Variants in LRP5 observed in about 807,000 individuals in gnomAD.
LRP5 encodes the protein LDL receptor related protein 5.
Under a neutral mutation model 154.1 loss-of-function variants are expected in LRP5, and 62 were observed. That is an observed-to-expected ratio of 0.40 (90% CI 0.33 to 0.50). The LOEUF (loss-of-function observed/expected upper bound fraction) is 0.50. LRP5 is among the 20% of genes least tolerant of loss of function. LRP5 has a pLI of 0.55. For missense variants in LRP5, 1,915 were observed against 2,336.7 expected, an observed-to-expected ratio of 0.82 and a Z score of 3.72; for synonymous variants, 966 against 1,011.5, an observed-to-expected ratio of 0.96 and a Z score of 0.85.
chr11:68,419,831 C>T (rs547878036), intron 13 of LRP5, among the ~76,000 whole-genome samples: 5 of 152,044 alleles, frequency 3.3e-5, no homozygotes, highest in South Asian at 2.1e-4. Context: ...TGTGAGCCAC[C>T]GTGCCCGGCC....
chr11:68,347,531 A>C (rs1229946180), intron 1 of LRP5, among the ~76,000 whole-genome samples: 1 of 152,152 alleles, frequency 6.6e-6, no homozygotes, highest in African/African-American at 2.4e-5. Flanking sequence ...CTGGAGGACG[A>C]TGTGGGAGGT....
chr11:68,392,613 C>T, intron 7 of LRP5, among the ~76,000 whole-genome samples: 1 of 152,198 alleles, frequency 6.6e-6, no homozygotes, highest in East Asian at 1.9e-4. Context: ...AGAACACTTT[C>T]TTCTGCCCTG....
At chr11:68,331,658 G>C (rs2098602846) in intron 1 of LRP5, among the ~76,000 whole-genome samples, 1 of 152,164 alleles carries the variant, frequency 6.6e-6, no homozygotes, top group South Asian at 2.1e-4. Context: ...TATGTTTCCT[G>C]TTCGCCTGCT....
intron 7 of LRP5, 99 bp from the exon 8 acceptor site, chr11:68,403,384 C>T (rs1415756262): frequency 1.3e-5 from 13 of 1,018,876 alleles, no homozygotes; most frequent in Admixed American, 3.9e-5. Flanking sequence ...GCATTGAACC[C>T]GTCTTGTTTG....
chr11:68,403,854 T>C, intron 8 of LRP5, 155 bp downstream of exon 8: 1 of 834,314 alleles, frequency 1.2e-6, no homozygotes, highest in Non-Finnish European at 1.9e-6. Context: ...CAAGGACAGA[T>C]GGGAAGGGAC....
chr11:68,345,980 G>A (rs2098612580), intron 1 of LRP5, among the ~76,000 whole-genome samples: 1 of 152,180 alleles, frequency 6.6e-6, no homozygotes, highest in Non-Finnish European at 1.5e-5. Context: ...TTGGAGAAAT[G>A]TCTGTTCAAG....
intron 7 of LRP5, among the ~76,000 whole-genome samples, chr11:68,397,457 C>T (rs1027984769): frequency 5.3e-5 from 8 of 152,298 alleles, no homozygotes; most frequent in East Asian, 3.9e-4. Flanking sequence ...CAGCTGCCCC[C>T]GGCCCTCTCC....
intron 7 of LRP5, among the ~76,000 whole-genome samples, chr11:68,398,492 G>C (rs1164187231): frequency 6.6e-6 from 1 of 152,194 alleles, no homozygotes; most frequent in Non-Finnish European, 1.5e-5. Flanking sequence ...ATTGTCCTCA[G>C]ACACAGCCTC....
chr11:68,314,689 G>T (rs1484719188), intron 1 of LRP5, among the ~76,000 whole-genome samples: 1 of 152,238 alleles, frequency 6.6e-6, no homozygotes, highest in East Asian at 1.9e-4. Context: ...GCTTGTTCCA[G>T]GGCCGGCCTG....
intron 18 of LRP5, among the ~76,000 whole-genome samples, chr11:68,436,469 A>C (rs1202731993): frequency 6.6e-6 from 1 of 151,126 alleles, no homozygotes; most frequent in Non-Finnish European, 1.5e-5. Flanking sequence ...CCCTCCCCTC[A>C]AGCTCTGCTG....
rs1384931251 is a variant in LRP5, at chr11:68,403,712, G to T, written c.1801+13G>T. ...GCCAAGGTCGTCGGTGAGTCCGGGG[G>T]GTCCCAAGCCATGGCTCAGCCATGC... On this transcript the variant is annotated intron_variant, in intron 8 of 22. Transcript: ENST00000294304. 1 of 1,612,660 alleles carries T rather than the reference G, an allele frequency of 6.2e-7. No homozygotes were observed. Among genetic ancestry groups the T allele is most frequent in the South Asian group, 1.1e-5 (1 of 91,006 alleles).
chr11:68,431,928 G>A (rs987247477), intron 17 of LRP5, among the ~76,000 whole-genome samples: 3 of 152,132 alleles, frequency 2.0e-5, no homozygotes, highest in Admixed American at 6.5e-5. Flanking sequence ...CTCACGGCTC[G>A]AGAGACGTGT....
In LRP5 at chr11:68,444,731, G is replaced by A. The variant is rs147297091; in HGVS notation, c.4489-1705G>A. On this transcript the variant is annotated intron_variant, in intron 21 of 22. Coordinates refer to ENST00000294304, the MANE Select transcript of LRP5 (RefSeq NM_002335.4). ...GCAGAATCTCAAACTGCCTTGGGATGTAGGAGAGAAACCAGGCCTGGTCAA... is the reference window on the plus strand; with the variant it reads ...GCAGAATCTCAAACTGCCTTGGGATATAGGAGAGAAACCAGGCCTGGTCAA... 2.3e-4 allele frequency among the ~76,000 whole-genome samples: 35 copies of A among 152,236 alleles called. No individual in the cohort carries two copies. The East Asian group carries it at 6.8e-3, about 29-fold the overall frequency.
intron 7 of LRP5, among the ~76,000 whole-genome samples, chr11:68,396,214 G>C (rs748742393): frequency 1.3e-5 from 2 of 152,118 alleles, no homozygotes; most frequent in Non-Finnish European, 2.9e-5. Context: ...GTATAAATGG[G>C]GTCAGGGAGG....
In LRP5 at chr11:68,423,723, G is replaced by C. The variant is rs373199383; in HGVS notation, c.3236+26G>C. Reference sequence around the variant, plus strand: ...GTAGGAGGCCAACGGGTGGGTGGGGGTGCTGCCCGTCCAGGCGTGCCCGCC... The same window carrying C: ...GTAGGAGGCCAACGGGTGGGTGGGGCTGCTGCCCGTCCAGGCGTGCCCGCC... On this transcript the variant is annotated intron_variant, in intron 14 of 22. Coordinates refer to ENST00000294304, the MANE Select transcript of LRP5 (RefSeq NM_002335.4). This position sits in a 1 kb window ranked among gnomAD's most constrained non-coding sequence, Gnocchi z 4.7. The C allele has an allele frequency of 1.9e-6, 3 of 1,591,066 alleles. No individual in the cohort carries two copies. Among genetic ancestry groups the C allele is most frequent in the Non-Finnish European group, 2.6e-6 (3 of 1,171,836 alleles).
chr11:68,386,933 G>A lies in LRP5; in HGVS notation c.1412+221G>A, dbSNP rs773289509. Among the ~76,000 whole-genome samples the A allele has an allele frequency of 5.9e-5, 9 of 152,184 alleles. No individual in the cohort carries two copies. The highest frequency in any genetic ancestry group is 9.7e-5 in the African/African-American group (4 of 41,440). On this transcript the variant is annotated intron_variant, in intron 6 of 22. Coordinates refer to ENST00000294304, the MANE Select transcript of LRP5 (RefSeq NM_002335.4). The surrounding 1 kb of genome is among the most constrained non-coding windows in gnomAD (Gnocchi z 7.9). ...TTTCTAACAAGCACCCCAGTGGTCC[G>A]GTGCTGCTGCTGGGTCCATGCGTAG...
chr11:68,413,602 T>G lies in LRP5; in HGVS notation c.2504-87T>G. 1 of 1,223,384 alleles carries G rather than the reference T, an allele frequency of 8.2e-7. No individual in the cohort carries two copies. Among genetic ancestry groups the G allele is most frequent in the South Asian group, 1.2e-5 (1 of 82,700 alleles). 75.8% of individuals were successfully genotyped at this position (1,223,384 alleles called of 1,614,324 possible). On this transcript the variant is annotated intron_variant, in intron 11 of 22. Coordinates refer to ENST00000294304, the MANE Select transcript of LRP5 (RefSeq NM_002335.4). The surrounding 1 kb of genome is among the most constrained non-coding windows in gnomAD (Gnocchi z 5.1). ...TCATGTGGTCGCTAGGCTGCAGGGT[T>G]GAACCCTGGCTCACCCCGCAGGGCG... is the stretch of plus-strand genomic sequence containing the variant.
the LRP5 span, among the ~76,000 whole-genome samples, chr11:68,307,306 T>G: frequency 6.6e-6 from 1 of 151,618 alleles, no homozygotes; most frequent in African/African-American, 2.4e-5. Flanking sequence ...ACCACAGCTG[T>G]CCCCCATCTC....
chr11:68,313,567 A>T (rs1801237654), intron 1 of LRP5, among the ~76,000 whole-genome samples: 1 of 152,200 alleles, frequency 6.6e-6, no homozygotes, highest in Non-Finnish European at 1.5e-5. Context: ...CAGGGGGTGG[A>T]GTTGAGGTCA....
Sources: gnomAD v4.1 joint callset for allele counts (sites outside exome capture counted in the v4.1 genomes callset) on GRCh38, gnomAD v4.1.1 for gene constraint, Gnocchi (gnomAD v3.1) non-coding constraint, MANE v1.5 for transcripts, NCBI Gene and HGNC (gene_info 2026-07-23, HGNC 2026-07-21) for gene names.